Variants in SLC41A1 observed in about 807,000 individuals in gnomAD.
SLC41A1 encodes solute carrier family 41 member 1.
SLC41A1 carries 20 observed loss-of-function variants against 47.3 expected under a neutral mutation model. The ratio of observed to expected loss-of-function variants is 0.42; its 90% CI spans 0.30 to 0.61. SLC41A1 has a LOEUF of 0.61. SLC41A1 is among the 20% of genes least tolerant of loss of function. The probability of loss-of-function intolerance (pLI) is 0.17; values close to 1 mark genes in which losing one functional copy is unlikely to be tolerated. For missense variants in SLC41A1, 504 were observed against 674.1 expected, an observed-to-expected ratio of 0.75 and a Z score of 2.79; for synonymous variants, 282 against 272.7, an observed-to-expected ratio of 1.03 and a Z score of -0.34.
chr1:205,792,215 C>A (rs562127279), intron 10 of SLC41A1, among the ~76,000 whole-genome samples: 5 of 152,174 alleles, frequency 3.3e-5, no homozygotes, highest in African/African-American at 1.2e-4. Flanking sequence ...CTGCTGCTGG[C>A]GGTTGTCTTA....
rs551023794 is a variant in SLC41A1 at position 205,789,571 on chromosome 1, G to A, written c.*1962C>T. ...GTGTGTAAGTATTTTTTGAGGTGGAGGAAAAGATGAAAAAAGTCCAGAGGG... is the reference window on the plus strand; with the variant it reads ...GTGTGTAAGTATTTTTTGAGGTGGAAGAAAAGATGAAAAAAGTCCAGAGGG... On this transcript the variant is annotated 3_prime_UTR_variant, in exon 11 of 11. Transcript: ENST00000367137. The A allele has an allele frequency of 6.6e-6, 1 of 152,212 alleles. No homozygotes were observed. The highest frequency in any genetic ancestry group is 2.4e-5 in the African/African-American group (1 of 41,438). 9.4% of individuals were successfully genotyped at this position (152,212 alleles called of 1,614,324 possible).
chr1:205,806,834 TTTTC>T (rs1237806901), intron 2 of SLC41A1, among the ~76,000 whole-genome samples: 5 of 152,332 alleles, frequency 3.3e-5, no homozygotes, highest in Admixed American at 6.5e-5. Context: ...AGAGAGTGGG[TTTTC>T]TTTTTCTTTT....
intron 2 of SLC41A1, among the ~76,000 whole-genome samples, chr1:205,801,756 A>G (rs1314335478): frequency 6.6e-6 from 1 of 152,242 alleles, no homozygotes; most frequent in Non-Finnish European, 1.5e-5. Context: ...GGGAGTCAGG[A>G]GACCTGAGTT....
chr1:205,809,946 GA>G (rs977549870), intron 2 of SLC41A1, 123 bp downstream of exon 2: 2 of 1,420,032 alleles, frequency 1.4e-6, no homozygotes, highest in African/African-American at 2.8e-5. Flanking sequence ...TGATCCAAAG[GA>G]AAACAGTATT....
intron 6 of SLC41A1, among the ~76,000 whole-genome samples, 154 bp downstream of exon 6, chr1:205,798,514 CT>C (rs1311027240): frequency 1.3e-5 from 2 of 152,214 alleles, no homozygotes; most frequent in Non-Finnish European, 2.9e-5. Context: ...GAGATCAGTA[CT>C]TAGCTTCAAA....
At chr1:205,794,677 A>C (rs1464007390) in intron 10 of SLC41A1, among the ~76,000 whole-genome samples, 193 bp downstream of exon 10, 1 of 152,148 alleles carries the variant, frequency 6.6e-6, no homozygotes, top group Non-Finnish European at 1.5e-5. Context: ...GAACAGGGTC[A>C]AAGTCACACA....
At chr1:205,806,389 C>G (rs1656015124) in intron 2 of SLC41A1, among the ~76,000 whole-genome samples, 1 of 152,222 alleles carries the variant, frequency 6.6e-6, no homozygotes, top group Non-Finnish European at 1.5e-5. Context: ...GTATACACAG[C>G]AGGATCTACT....
At chr1:205,812,657 C>A (rs1656185097) in intron 1 of SLC41A1, 151 bp downstream of exon 1, 5 of 766,450 alleles carry the variant, frequency 6.5e-6, no homozygotes, top group Non-Finnish European at 7.9e-6. Flanking sequence ...CAAAAAAGAC[C>A]CATTTTAGTA....
intron 2 of SLC41A1, among the ~76,000 whole-genome samples, chr1:205,802,398 T>C (rs1223873031): frequency 3.3e-5 from 5 of 152,088 alleles, no homozygotes; most frequent in Admixed American, 2.0e-4. Context: ...TTCAAGGCAA[T>C]TCCAACACCC....
rs200146515 is a variant in SLC41A1 at position 205,797,942 on chromosome 1, C to T, written c.954G>A (p.Ser318=). ...TGGCAATGATAACAGGCTCCCAGCCCGAGTACAACACCTCCCTTGTGGCTG... is the reference window on the plus strand; with the variant it reads ...TGGCAATGATAACAGGCTCCCAGCCTGAGTACAACACCTCCCTTGTGGCTG... ...RSPATREVLY[S]GWEPVIIAMA... is the part of the protein sequence containing the mutation. The change falls in exon 7 of 11, where the codon TCG becomes TCA. Residue 318 remains serine (S), a synonymous_variant. Transcript: ENST00000367137. 2.0e-4 allele frequency: 318 copies of T among 1,614,176 alleles called. No individual in the cohort carries two copies. The Middle Eastern group carries it at 4.1e-3, about 21-fold the overall frequency.
chr1:205,804,686 G>GA (rs972955238), intron 2 of SLC41A1, among the ~76,000 whole-genome samples: 2 of 152,058 alleles, frequency 1.3e-5, no homozygotes, highest in African/African-American at 4.8e-5. Context: ...CCAGAGAGGG[G>GA]AAAAATCCCC....
Position 205,810,388 on chromosome 1 carries a change from A to C in SLC41A1, c.54T>G (p.Pro18=). Residue 18 remains proline (P), a synonymous_variant, in exon 2 of 11, where the codon CCT becomes CCG. Transcript: ENST00000367137. This position sits in a 1 kb window ranked among gnomAD's most constrained non-coding sequence, Gnocchi z 5.5. The part of the protein sequence containing the change: ...KDVHQLNGTG[P]SASPCSSDGP... ...CATCTGAAGAGCAGGGAGAGGCAGAAGGGCCAGTCCCGTTCAGTTGGTGGA... is the reference window on the plus strand; with the variant it reads ...CATCTGAAGAGCAGGGAGAGGCAGACGGGCCAGTCCCGTTCAGTTGGTGGA... 1.9e-6 allele frequency: 3 copies of C among 1,614,200 alleles called. No individual in the cohort carries two copies. The highest frequency in any genetic ancestry group is 2.5e-6 in the Non-Finnish European group (3 of 1,180,040).
Position 205,810,473 on chromosome 1 carries a change from T to C in SLC41A1, c.-32A>G, listed in dbSNP as rs1656124598. ...CACGGAGGAGGGGAAGGGAGAACTT[T>C]CCTCTCTTCTTTTTGCTTTCTCTCT... On this transcript the variant is annotated 5_prime_UTR_variant, in exon 2 of 11. Transcript: ENST00000367137. This position sits in a 1 kb window ranked among gnomAD's most constrained non-coding sequence, Gnocchi z 5.5. 6.2e-7 allele frequency: 1 copy of C among 1,613,988 alleles called. No individual in the cohort carries two copies. Among genetic ancestry groups the C allele is most frequent in the South Asian group, 1.1e-5 (1 of 91,042 alleles).
intron 7 of SLC41A1, among the ~76,000 whole-genome samples, chr1:205,797,269 G>A (rs141105166): frequency 8.2e-4 from 125 of 152,328 alleles, no homozygotes; most frequent in African/African-American, 3.0e-3. Context: ...GTTGGCCGGA[G>A]GAGCAGCCTG....
At chr1:205,797,100 G>T in intron 7 of SLC41A1, 97 bp from the exon 8 acceptor site, 2 of 1,075,300 alleles carry the variant, frequency 1.9e-6, no homozygotes, top group Non-Finnish European at 2.8e-6. Flanking sequence ...CCTTGGAGAT[G>T]AAGGGAAGCA....
rs1336534452 is a variant in SLC41A1 at position 205,791,737 on chromosome 1, C to A, written c.1357-19G>T. The A allele has an allele frequency of 6.2e-7, 1 of 1,611,838 alleles. No homozygotes were observed. Among genetic ancestry groups the A allele is most frequent in the Non-Finnish European group, 8.5e-7 (1 of 1,179,666 alleles). ...TCAGCACCTGGGGAGACAAAAGGGC[C>A]CAGCCTATAGCCATCCTCTCTCTCC... is the stretch of plus-strand genomic sequence containing the variant. On this transcript the variant is annotated intron_variant, in intron 10 of 10. Transcript: ENST00000367137. The surrounding 1 kb of genome is among the most constrained non-coding windows in gnomAD (Gnocchi z 4.0).
chr1:205,809,585 A>G (rs959761270), intron 2 of SLC41A1, among the ~76,000 whole-genome samples: 34 of 152,144 alleles, frequency 2.2e-4, no homozygotes, highest in African/African-American at 7.0e-4. Context: ...GAGCCTTCCT[A>G]CTTAATTTGA....
intron 10 of SLC41A1, among the ~76,000 whole-genome samples, chr1:205,792,274 C>T (rs188726534): frequency 4.3e-4 from 66 of 152,326 alleles, no homozygotes; most frequent in Admixed American, 3.9e-3. Flanking sequence ...CCTTTTCATT[C>T]TGTTGTTGTG....
rs1199132712 is a variant in SLC41A1, at chr1:205,795,279, A to C, written c.1207+65T>G. 4 of 1,611,912 alleles carry C rather than the reference A, an allele frequency of 2.5e-6. No homozygotes were observed. In the Admixed American group the frequency reaches 6.7e-5, roughly 27 times the overall value. ...GGATCTGGGGCCCCAGCTGTCTCTT[A>C]AGTGAAGCTCACTGACAGTAGGCCC... On this transcript the variant is annotated intron_variant, in intron 9 of 10. Transcript: ENST00000367137.
Sources: gnomAD v4.1 joint callset for allele counts (sites outside exome capture counted in the v4.1 genomes callset) on GRCh38, gnomAD v4.1.1 for gene constraint, Gnocchi (gnomAD v3.1) non-coding constraint, MANE v1.5 for transcripts, NCBI Gene and HGNC (gene_info 2026-07-23, HGNC 2026-07-21) for gene names.